SNHG17: variants seen among roughly 807,000 people sequenced by gnomAD.
SNHG17 encodes small nucleolar RNA host gene 17, also known as small nucleolar RNA host gene 17 (non-protein coding).
chr20:38,430,045 A>G (rs542837781), intron 3 of SNHG17, among the ~76,000 whole-genome samples: 41 of 152,340 alleles, frequency 2.7e-4, no homozygotes, highest in African/African-American at 9.4e-4. Flanking sequence ...GGCCGGGTGC[A>G]GTGGCTCACG....
intron 3 of SNHG17, chr20:38,429,060 G>A (rs2122711876): frequency 6.6e-6 from 1 of 152,582 alleles, no homozygotes; most frequent in East Asian, 1.9e-4. Flanking sequence ...ACAGTGGAGG[G>A]ACTCTCCCTT....
chr20:38,423,612 C>G (rs1430723644), intron 5 of SNHG17, among the ~76,000 whole-genome samples: 1 of 147,932 alleles, frequency 6.8e-6, no homozygotes, highest in East Asian at 2.0e-4. Flanking sequence ...TTACCATGGG[C>G]AGGAGCTGAA....
At chr20:38,431,036 C>T (rs552636714) in intron 3 of SNHG17, 1 of 152,518 alleles carries the variant, frequency 6.6e-6, no homozygotes, top group African/African-American at 2.4e-5. Context: ...CAGGACCCCA[C>T]TTACCTGGGA....
At chr20:38,431,073 A>T (rs1168494104) in exon 3 of SNHG17, 1 of 152,280 alleles carries the variant, frequency 6.6e-6, no homozygotes, top group Non-Finnish European at 1.5e-5. Context: ...CTCCCAGAGG[A>T]CGCCTCTCAC....
At chr20:38,427,253 G>A in intron 3 of SNHG17, 1 of 430,374 alleles carries the variant, frequency 2.3e-6, no homozygotes, top group Non-Finnish European at 4.7e-6. Context: ...TGACTTTCAT[G>A]TGGCAGCCAA....
At chr20:38,434,767 C>T in intron 1 of SNHG17, 2 of 902,000 alleles carry the variant, frequency 2.2e-6, no homozygotes. Flanking sequence ...GTTCTAACAC[C>T]TACTTTTAAA....
intron 3 of SNHG17, chr20:38,429,596 G>A (rs1028067551): frequency 7.1e-6 from 3 of 422,840 alleles, no homozygotes; most frequent in East Asian, 6.9e-5. Flanking sequence ...CCTGGGCCAG[G>A]GAGAAGAGCA....
chr20:38,422,953 G>A (rs961147538), intron 5 of SNHG17, among the ~76,000 whole-genome samples: 3 of 151,950 alleles, frequency 2.0e-5, no homozygotes, highest in African/African-American at 7.3e-5. Context: ...TTATCCAGGC[G>A]TGGTGGCATG....
chr20:38,429,657 G>T, intron 3 of SNHG17: 1 of 487,850 alleles, frequency 2.0e-6, no homozygotes, highest in Non-Finnish European at 4.0e-6. Flanking sequence ...AAGACGTGGT[G>T]GGAGGGAGGA....
At chr20:38,433,979 G>A (rs778326252) in intron 2 of SNHG17, 10 of 518,944 alleles carry the variant, frequency 1.9e-5, no homozygotes, top group South Asian at 2.8e-5. Context: ...GGCAGCCCAC[G>A]ATCACTTTCG....
At chr20:38,429,788 A>G (rs1199121593) in intron 3 of SNHG17, 1 of 517,334 alleles carries the variant, frequency 1.9e-6, no homozygotes, top group African/African-American at 1.9e-5. Context: ...GCTCATGATC[A>G]CTTTCGAATG....
At chr20:38,423,075 A>T (rs1156554098) in intron 5 of SNHG17, among the ~76,000 whole-genome samples, 1 of 151,250 alleles carries the variant, frequency 6.6e-6, no homozygotes, top group Non-Finnish European at 1.5e-5. Context: ...CTGGGCAACA[A>T]GAGCAAAACT....
At chr20:38,425,269 T>C (rs888617263) in intron 5 of SNHG17, 5 of 519,046 alleles carry the variant, frequency 9.6e-6, no homozygotes, top group Non-Finnish European at 1.5e-5. Flanking sequence ...TTTCATTGAT[T>C]CCTCTCCCTG....
At chr20:38,435,325 G>C in exon 1 of SNHG17, 2 of 1,231,272 alleles carry the variant, frequency 1.6e-6, no homozygotes, top group Non-Finnish European at 2.0e-6. Context: ...GACGGCGAAG[G>C]ACTGAGGCCA....
At chr20:38,434,987 T>C (rs2084407706) in intron 1 of SNHG17, 2 of 1,229,618 alleles carry the variant, frequency 1.6e-6, no homozygotes, top group Admixed American at 8.5e-5. Flanking sequence ...CGACCGCACG[T>C]GGCCCGCTCA....
chr20:38,429,892 C>A, intron 3 of SNHG17: 1 of 473,100 alleles, frequency 2.1e-6, no homozygotes, highest in Admixed American at 2.5e-5. Context: ...GCTGACAGGG[C>A]AATGAGCAGA....
intron 3 of SNHG17, among the ~76,000 whole-genome samples, chr20:38,426,913 A>G (rs1281521811): frequency 6.7e-6 from 1 of 149,682 alleles, no homozygotes. Context: ...TTCTTACGAC[A>G]AACCCTTCAG....
At chr20:38,424,727 G>A (rs895643777) in intron 5 of SNHG17, among the ~76,000 whole-genome samples, 1 of 152,160 alleles carries the variant, frequency 6.6e-6, no homozygotes, top group Non-Finnish European at 1.5e-5. Context: ...TGGGGAGGCA[G>A]AGAGAGCTTC....
At chr20:38,424,301 C>A (rs2084208450) in intron 5 of SNHG17, among the ~76,000 whole-genome samples, 1 of 152,032 alleles carries the variant, frequency 6.6e-6, no homozygotes, top group Admixed American at 6.6e-5. Context: ...GAGAGCCCCG[C>A]ACCTACCATC....
Sources: allele counts gnomAD v4.1 joint callset (sites outside exome capture counted in the v4.1 genomes callset), GRCh38; gene constraint gnomAD v4.1.1; transcripts MANE v1.5; gene names NCBI Gene and HGNC (gene_info 2026-07-23, HGNC 2026-07-21).